TENM3: variants seen among roughly 807,000 people sequenced by gnomAD.
TENM3 encodes the protein teneurin transmembrane protein 3, also known as teneurin-3.
A neutral mutation model predicts 255.1 loss-of-function variants in TENM3; 63 were observed. The ratio of observed to expected loss-of-function variants is 0.25; its 90% CI spans 0.20 to 0.30. TENM3 has a LOEUF of 0.30. Among genes scored for constraint, TENM3 ranks in the 10% least tolerant of loss-of-function variants. The pLI, the probability that TENM3 is intolerant of heterozygous loss-of-function variation, is 1.00. For missense variants in TENM3, 2,929 were observed against 3,461.1 expected (o/e 0.85, Z 3.86); for synonymous variants, 1,306 against 1,322.3 (o/e 0.99, Z 0.27).
chr4:182,225,684 C>T (rs1756104088), intron 1 of TENM3, among the ~76,000 whole-genome samples: 1 of 152,028 alleles, frequency 6.6e-6, no homozygotes, highest in Admixed American at 6.5e-5. Context: ...TTCAAAGGGC[C>T]AACCAGGGAC....
the TENM3 span, among the ~76,000 whole-genome samples, chr4:181,482,016 A>G: frequency 1.3e-5 from 2 of 152,184 alleles, no homozygotes; most frequent in African/African-American, 2.4e-5. Context: ...CATCAGAACA[A>G]TTAGGAAGTA....
At chr4:181,923,527 C>A in the TENM3 span, among the ~76,000 whole-genome samples, 1 of 152,132 alleles carries the variant, frequency 6.6e-6, no homozygotes, top group Non-Finnish European at 1.5e-5. Context: ...AAATGCTCTG[C>A]ATTTTCTTTA....
the TENM3 span, among the ~76,000 whole-genome samples, chr4:181,489,682 A>C: frequency 6.6e-6 from 1 of 152,188 alleles, no homozygotes; most frequent in Non-Finnish European, 1.5e-5. Flanking sequence ...TAAAATTAGA[A>C]ATTCCATATA....
At chr4:182,437,884 A>G (rs1185370453) in intron 3 of TENM3, among the ~76,000 whole-genome samples, 1 of 151,970 alleles carries the variant, frequency 6.6e-6, no homozygotes, top group Non-Finnish European at 1.5e-5. Flanking sequence ...CCCAGGAAGC[A>G]GTGGTTGCAG....
the TENM3 span, among the ~76,000 whole-genome samples, chr4:181,457,141 T>C: frequency 6.6e-6 from 1 of 151,846 alleles, no homozygotes. Flanking sequence ...TATTCTAAGT[T>C]AGTATTTTAT....
chr4:181,478,826 T>C, the TENM3 span, among the ~76,000 whole-genome samples: 2 of 152,212 alleles, frequency 1.3e-5, no homozygotes, highest in African/African-American at 4.8e-5. Flanking sequence ...AATCTAAATT[T>C]CAGCTCAAGT....
chr4:182,157,966 G>A (rs976114069), intron 1 of TENM3, among the ~76,000 whole-genome samples: 2 of 152,148 alleles, frequency 1.3e-5, no homozygotes, highest in Non-Finnish European at 2.9e-5. Context: ...AGTTCTCTTT[G>A]TCCTTTTTTT....
At chr4:181,868,420 T>G in the TENM3 span, among the ~76,000 whole-genome samples, 2 of 152,122 alleles carry the variant, frequency 1.3e-5, no homozygotes, top group South Asian at 4.1e-4. Flanking sequence ...GGCCAAGTGA[T>G]TTTCTATTTA....
rs34681777 is a variant in TENM3, at chr4:182,590,538, C to CAAAAAAAAAAAAAAAA, written c.512-10378_512-10363dup. On this transcript the variant is annotated intron_variant, in intron 3 of 27. Transcript: ENST00000511685. ...CCAGCAATAGAGCGAGACCCTGTCT[C>CAAAAAAAAAAAAAAAA]AAAAAAAAAAAAAAAAAAAAAAAGA... is the stretch of plus-strand genomic sequence containing the variant. 2.8e-3 allele frequency among the ~76,000 whole-genome samples: 222 copies of CAAAAAAAAAAAAAAAA among 79,740 alleles called. 2 individuals are homozygous for CAAAAAAAAAAAAAAAA. Among genetic ancestry groups the CAAAAAAAAAAAAAAAA allele is most frequent in the East Asian group, 4.2e-3 (11 of 2,606 alleles). 52.3% of individuals were successfully genotyped at this position (79,740 alleles called of 152,430 possible). A position where few individuals can be genotyped will look rare whatever the true frequency, so the allele number is the denominator to read the frequency against.
At chr4:181,484,223 G>A in the TENM3 span, among the ~76,000 whole-genome samples, 1 of 151,958 alleles carries the variant, frequency 6.6e-6, no homozygotes, top group African/African-American at 2.4e-5. Context: ...ACAGTAAGCG[G>A]CCACATTAAC....
At chr4:181,982,614 A>G in the TENM3 span, among the ~76,000 whole-genome samples, 1 of 152,258 alleles carries the variant, frequency 6.6e-6, no homozygotes, top group Admixed American at 6.5e-5. Context: ...TCGAAGCCTG[A>G]AAGAGTTAAT....
intron 5 of TENM3, 44 bp downstream of exon 5, chr4:182,628,933 G>A: frequency 1.7e-6 from 2 of 1,164,172 alleles, no homozygotes; most frequent in South Asian, 2.7e-5. Context: ...AAATCAGGGT[G>A]TTACATTGTT....
the TENM3 span, among the ~76,000 whole-genome samples, chr4:181,928,360 C>T: frequency 6.6e-6 from 1 of 151,702 alleles, no homozygotes; most frequent in Non-Finnish European, 1.5e-5. Context: ...CTGAAAAACA[C>T]AGCACAAGAA....
intron 3 of TENM3, among the ~76,000 whole-genome samples, chr4:182,416,397 TTGTG>T (rs1388145041): frequency 6.6e-6 from 1 of 152,128 alleles, no homozygotes; most frequent in Non-Finnish European, 1.5e-5. Flanking sequence ...TTTTTCTTCC[TTGTG>T]TTTTTCCTCT....
At chr4:181,932,459 A>G in the TENM3 span, among the ~76,000 whole-genome samples, 1 of 152,258 alleles carries the variant, frequency 6.6e-6, no homozygotes. Context: ...CAAAACCACA[A>G]TGAGATACCA....
At chr4:181,951,318 C>T in the TENM3 span, among the ~76,000 whole-genome samples, 2 of 152,080 alleles carry the variant, frequency 1.3e-5, no homozygotes, top group African/African-American at 4.8e-5. Context: ...CTGGACCTGT[C>T]TCAAAATCAG....
At chr4:182,630,688 C>T (rs750503869) in intron 5 of TENM3, among the ~76,000 whole-genome samples, 3 of 152,074 alleles carry the variant, frequency 2.0e-5, no homozygotes, top group Admixed American at 6.5e-5. Context: ...ACATCCTGCA[C>T]CTGCACCCTG....
chr4:181,868,410 G>A, the TENM3 span, among the ~76,000 whole-genome samples: 1 of 152,026 alleles, frequency 6.6e-6, no homozygotes, highest in Non-Finnish European at 1.5e-5. Flanking sequence ...TGAACAAGAA[G>A]GCCAAGTGAT....
the TENM3 span, among the ~76,000 whole-genome samples, chr4:182,052,684 C>G: frequency 6.6e-6 from 1 of 152,138 alleles, no homozygotes; most frequent in African/African-American, 2.4e-5. Context: ...ACTGAGTTCT[C>G]TACTCTGGGC....
Sources: allele counts gnomAD v4.1 joint callset (sites outside exome capture counted in the v4.1 genomes callset), GRCh38; gene constraint gnomAD v4.1.1; transcripts MANE v1.5; gene names NCBI Gene and HGNC (gene_info 2026-07-23, HGNC 2026-07-21).